NUDT4: variants seen among roughly 807,000 people sequenced by gnomAD.
NUDT4 encodes the protein nudix hydrolase 4.
Under a neutral mutation model 23.1 loss-of-function variants are expected in NUDT4, and 5 were observed. That is an observed-to-expected ratio of 0.22 (90% CI 0.11 to 0.46). The LOEUF (loss-of-function observed/expected upper bound fraction) is 0.46, where lower values mean the gene tolerates loss of function less well. Ranked by LOEUF, NUDT4 falls within the 20% of genes least tolerant of loss-of-function variation. The probability of loss-of-function intolerance (pLI) is 0.99; values close to 1 mark genes in which losing one functional copy is unlikely to be tolerated. For missense variants in NUDT4, 96 were observed against 211.6 expected, an observed-to-expected ratio of 0.45 and a Z score of 3.39; for synonymous variants, 50 against 79.0, an observed-to-expected ratio of 0.63 and a Z score of 1.95.
intron 1 of NUDT4, among the ~76,000 whole-genome samples, chr12:93,386,936 T>TA (rs1555193319): frequency 1.3e-5 from 2 of 151,472 alleles, no homozygotes; most frequent in African/African-American, 4.8e-5. Flanking sequence ...CTGATTTTTT[T>TA]TTATTATTAT....
At chr12:93,392,890 A>G (rs911980868) in intron 1 of NUDT4, among the ~76,000 whole-genome samples, 9 of 134,536 alleles carry the variant, frequency 6.7e-5, no homozygotes, top group African/African-American at 2.4e-4. Context: ...TGTTTTGTCC[A>G]GGCTGGTGTG....
At chr12:93,390,011 A>C (rs936566477) in intron 1 of NUDT4, among the ~76,000 whole-genome samples, 2 of 152,210 alleles carry the variant, frequency 1.3e-5, no homozygotes, top group South Asian at 4.1e-4. Flanking sequence ...GTCTTGGAGA[A>C]CTGGAAACAT....
At chr12:93,378,634 CCA>C (rs1875391234) in intron 1 of NUDT4, 3 of 1,208,014 alleles carry the variant, frequency 2.5e-6, no homozygotes, top group African/African-American at 1.6e-5. Context: ...TCGCCCAGCC[CCA>C]GTTTCTCCAT....
At chr12:93,393,440 A>G (rs886694504) in intron 1 of NUDT4, among the ~76,000 whole-genome samples, 1 of 152,084 alleles carries the variant, frequency 6.6e-6, no homozygotes, top group African/African-American at 2.4e-5. Context: ...TAAGGGGTCC[A>G]TAGACTTCCA....
chr12:93,386,194 C>G (rs182049089), intron 1 of NUDT4, among the ~76,000 whole-genome samples: 203 of 151,960 alleles, frequency 1.3e-3, no homozygotes, highest in South Asian at 2.1e-3. Context: ...CTAGGCTGGT[C>G]TTGAGCTCCT....
At chr12:93,391,551 C>G (rs1429013410) in intron 1 of NUDT4, among the ~76,000 whole-genome samples, 1 of 137,440 alleles carries the variant, frequency 7.3e-6, no homozygotes, top group Non-Finnish European at 1.5e-5. Context: ...GATGATAGGA[C>G]GAGACTCCAT....
intron 1 of NUDT4, among the ~76,000 whole-genome samples, chr12:93,385,750 TAGG>T (rs929684403): frequency 2.0e-5 from 3 of 151,690 alleles, no homozygotes; most frequent in African/African-American, 7.3e-5. Context: ...AGGAGGGGCT[TAGG>T]AGCAGCTGCC....
chr12:93,382,674 C>CTTTTTTTTTTTTTTTT lies in NUDT4; in HGVS notation c.99+4258_99+4273dup, dbSNP rs11315217. Among the ~76,000 whole-genome samples, 295 of 111,608 alleles carry CTTTTTTTTTTTTTTTT rather than the reference C, an allele frequency of 2.6e-3. 17 individuals are homozygous for CTTTTTTTTTTTTTTTT. Among genetic ancestry groups the CTTTTTTTTTTTTTTTT allele is most frequent in the East Asian group, 9.1e-3 (32 of 3,502 alleles). The allele number at this position is 111,608 out of a possible 152,430, so 73.2% of individuals were successfully genotyped here. A position where few individuals can be genotyped will look rare whatever the true frequency, so the allele number is the denominator to read the frequency against. On this transcript the variant is annotated intron_variant, in intron 1 of 4. Coordinates refer to ENST00000415493, the MANE Select transcript of NUDT4 (RefSeq NM_019094.6). ...AAAATAAGTACTATCCAAAGGTAGC[C>CTTTTTTTTTTTTTTTT]TTTTTTTTTTTTTTTTTTTTGAGAC...
intron 3 of NUDT4, among the ~76,000 whole-genome samples, chr12:93,396,102 T>G (rs1565782595): frequency 1.3e-5 from 2 of 152,228 alleles, no homozygotes; most frequent in African/African-American, 4.8e-5. Context: ...ATGTTTATCT[T>G]AATCCACTGT....
Position 93,403,298 on chromosome 12 carries a change from T to C in NUDT4, c.*3919T>C, listed in dbSNP as rs973956905. The C allele has an allele frequency of 7.2e-5, 11 of 152,124 alleles. No homozygotes were observed. Among genetic ancestry groups the C allele is most frequent in the African/African-American group, 2.7e-4 (11 of 41,412 alleles). The allele number at this position is 152,124 out of a possible 1,614,324, so 9.4% of individuals were successfully genotyped here. On this transcript the variant is annotated 3_prime_UTR_variant, in exon 5 of 5. Coordinates refer to ENST00000415493, the MANE Select transcript of NUDT4 (RefSeq NM_019094.6). ...TTCTAGTGGGGTAGAGATAAGTGAT[T>C]TATCTTGGTGTAGTTTTGGCTTTTT... is the stretch of plus-strand genomic sequence containing the variant.
intron 1 of NUDT4, among the ~76,000 whole-genome samples, chr12:93,385,560 GTC>G (rs1449139690): frequency 2.0e-5 from 3 of 152,170 alleles, no homozygotes; most frequent in Non-Finnish European, 4.4e-5. Context: ...CTGTTGGTGT[GTC>G]TTTGTAGAAT....
In NUDT4 at chr12:93,404,733, C is replaced by T. The variant is rs1052925011; in HGVS notation, c.*5354C>T. ...TTGGCATACACTGAAAAAGCTTAGT[C>T]ACTTAAAATGAGGTTGTACAGATTG... is the stretch of plus-strand genomic sequence containing the variant. On this transcript the variant is annotated 3_prime_UTR_variant, in exon 5 of 5. Transcript: ENST00000415493. 1.3e-5 allele frequency: 2 copies of T among 152,114 alleles called. No homozygotes were observed. Among genetic ancestry groups the T allele is most frequent in the African/African-American group, 4.8e-5 (2 of 41,426 alleles). 9.4% of individuals were successfully genotyped at this position (152,114 alleles called of 1,614,324 possible).
chr12:93,385,966 T>TATATATATATATAC lies in NUDT4; in HGVS notation c.99+7550_99+7551insTATATATACATATA, dbSNP rs1565777340. On this transcript the variant is annotated intron_variant, in intron 1 of 4. Transcript: ENST00000415493. Reference sequence around the variant, plus strand: ...TTATATATATATATATATATATATATATATACATAATTTTTTTTTTCTTTT... The same window carrying TATATATATATATAC: ...TTATATATATATATATATATATATATATATATATATATACATATACATAATTTTTTTTTTCTTTT... Among the ~76,000 whole-genome samples, 4 of 131,776 alleles carry TATATATATATATAC rather than the reference T, an allele frequency of 3.0e-5. 1 individual carries two copies. The East Asian group carries it at 8.7e-4, about 29-fold the overall frequency. The allele number at this position is 131,776 out of a possible 152,430, so 86.5% of individuals were successfully genotyped here. A position where few individuals can be genotyped will look rare whatever the true frequency, so the allele number is the denominator to read the frequency against.
chr12:93,389,070 A>G (rs1321212964), intron 1 of NUDT4, among the ~76,000 whole-genome samples: 2 of 152,236 alleles, frequency 1.3e-5, no homozygotes, highest in African/African-American at 4.8e-5. Flanking sequence ...TAAAACTACC[A>G]TCACCAAAAG....
chr12:93,406,622 G>A lies in NUDT4; in HGVS notation c.*7243G>A, dbSNP rs1877832709. 6.6e-6 allele frequency: 1 copy of A among 152,186 alleles called. No homozygotes were observed. Among genetic ancestry groups the A allele is most frequent in the South Asian group, 2.1e-4 (1 of 4,828 alleles). The allele number at this position is 152,186 out of a possible 1,614,324, so 9.4% of individuals were successfully genotyped here. A position where few individuals can be genotyped will look rare whatever the true frequency, so the allele number is the denominator to read the frequency against. ...GACAAAATATTCCAAAAAACATTGT[G>A]TCTGTAGTCAACATGTATATTTTTG... is the stretch of plus-strand genomic sequence containing the variant. On this transcript the variant is annotated 3_prime_UTR_variant, in exon 5 of 5. Transcript: ENST00000415493.
At position 93,402,356 on chromosome 12, in the gene NUDT4, G is replaced by A. The variant is rs891834328; in HGVS notation, c.*2977G>A. On this transcript the variant is annotated 3_prime_UTR_variant, in exon 5 of 5. Transcript: ENST00000415493. ...CCAGGTTTCTGAAACTTTGGGTAAGGTGTATGCTTTTAACTTTGAAATGTA... is the reference window on the plus strand; with the variant it reads ...CCAGGTTTCTGAAACTTTGGGTAAGATGTATGCTTTTAACTTTGAAATGTA... 1 of 152,074 alleles carries A rather than the reference G, an allele frequency of 6.6e-6. No homozygotes were observed. The highest frequency in any genetic ancestry group is 6.5e-5 in the Admixed American group (1 of 15,272). The allele number at this position is 152,074 out of a possible 1,614,324, so 9.4% of individuals were successfully genotyped here. A position where few individuals can be genotyped will look rare whatever the true frequency, so the allele number is the denominator to read the frequency against.
chr12:93,378,859 T>G, intron 1 of NUDT4: 1 of 886,188 alleles, frequency 1.1e-6, no homozygotes, highest in Non-Finnish European at 1.4e-6. Context: ...CCGTTTGCGG[T>G]CTCGGATTCG....
At chr12:93,381,954 G>A (rs1875690032) in intron 1 of NUDT4, among the ~76,000 whole-genome samples, 1 of 152,108 alleles carries the variant, frequency 6.6e-6, no homozygotes, top group South Asian at 2.1e-4. Context: ...TAACAAATCA[G>A]TCTGAAGGAC....
At position 93,405,728 on chromosome 12, in the gene NUDT4, AATT is replaced by A. The variant is rs1486107134; in HGVS notation, c.*6354_*6356del. On this transcript the variant is annotated 3_prime_UTR_variant, in exon 5 of 5. Coordinates refer to ENST00000415493, the MANE Select transcript of NUDT4 (RefSeq NM_019094.6). ...ATTTTTATTATTTACACTTCTCTCA[AATT>A]ATTACATTCAGCATGTTTTGCTTTT... 8 of 152,168 alleles carry A rather than the reference AATT, an allele frequency of 5.3e-5. No homozygotes were observed. Among genetic ancestry groups the A allele is most frequent in the African/African-American group, 1.7e-4 (7 of 41,428 alleles). 9.4% of individuals were successfully genotyped at this position (152,168 alleles called of 1,614,324 possible).
Sources: gnomAD v4.1 joint callset for allele counts (sites outside exome capture counted in the v4.1 genomes callset) on GRCh38, gnomAD v4.1.1 for gene constraint, MANE v1.5 for transcripts, NCBI Gene and HGNC (gene_info 2026-07-23, HGNC 2026-07-21) for gene names.